Variants in CNTFR observed in about 807,000 individuals in gnomAD.
CNTFR encodes the protein ciliary neurotrophic factor receptor subunit alpha.
In CNTFR, 12 loss-of-function variants were observed where a neutral mutation model predicts 40.4. The observed-to-expected ratio is 0.30, with a 90% CI of 0.19 to 0.48. The LOEUF (loss-of-function observed/expected upper bound fraction) is 0.48, where lower values mean the gene tolerates loss of function less well. Among genes scored for constraint, CNTFR ranks in the 20% least tolerant of loss-of-function variants. CNTFR has a pLI of 0.99. For missense variants in CNTFR, 414 were observed against 506.8 expected, an observed-to-expected ratio of 0.82 and a Z score of 1.76; for synonymous variants, 202 against 209.6, an observed-to-expected ratio of 0.96 and a Z score of 0.31.
chr9:34,553,347 T>C (rs1825711755), intron 7 of CNTFR, among the ~76,000 whole-genome samples: 1 of 152,082 alleles, frequency 6.6e-6, no homozygotes. Flanking sequence ...GCCCCATCCC[T>C]TAGTAGTGAG....
rs376305250 is a variant in CNTFR, at chr9:34,552,627, G to T, written c.949+47C>A. ...AACCAGGCCACAGGTTCTACCACAG[G>T]CCTCCAGGACAGCAAAGCCAGGAGG... is the stretch of plus-strand genomic sequence containing the variant. On this transcript the variant is annotated intron_variant, in intron 8 of 9. Coordinates refer to ENST00000378980, the MANE Select transcript of CNTFR (RefSeq NM_147164.3). This position sits in a 1 kb window ranked among gnomAD's most constrained non-coding sequence, Gnocchi z 5.1. The T allele has an allele frequency of 4.7e-5, 74 of 1,582,586 alleles. No individual in the cohort carries two copies. The highest frequency in any genetic ancestry group is 6.0e-5 in the Non-Finnish European group (70 of 1,164,864).
chr9:34,586,584 C>T (rs1225753802), intron 1 of CNTFR, among the ~76,000 whole-genome samples: 2 of 152,166 alleles, frequency 1.3e-5, no homozygotes, highest in Admixed American at 6.5e-5. Context: ...TTTCCCCCAC[C>T]TGGCCCTTCT....
In CNTFR at chr9:34,557,694, TG is replaced by T; in HGVS notation, c.438-3del. On this transcript the variant is annotated splice_region_variant and splice_polypyrimidine_tract_variant and intron_variant, in intron 5 of 9. Transcript: ENST00000378980. The surrounding 1 kb of genome is among the most constrained non-coding windows in gnomAD (Gnocchi z 4.2). ...CAGACCATAATTTTGGAGCCATGCCTGGGGAGAGGTGAGACCCAGGCACTGT... is the reference window on the plus strand; with the variant it reads ...CAGACCATAATTTTGGAGCCATGCCTGGGAGAGGTGAGACCCAGGCACTGT... 2 of 1,614,072 alleles carry T rather than the reference TG, an allele frequency of 1.2e-6. No homozygotes were observed. The highest frequency in any genetic ancestry group is 1.6e-4 in the Middle Eastern group (1 of 6,062).
chr9:34,586,795 C>T (rs1165551405), intron 1 of CNTFR, among the ~76,000 whole-genome samples: 1 of 152,170 alleles, frequency 6.6e-6, no homozygotes, highest in Non-Finnish European at 1.5e-5. Context: ...TCCATTAGCC[C>T]ACAGCCCATT....
At chr9:34,561,404 C>T (rs1215789957) in intron 4 of CNTFR, among the ~76,000 whole-genome samples, 4 of 152,158 alleles carry the variant, frequency 2.6e-5, no homozygotes, top group African/African-American at 7.2e-5. Context: ...AAGATCAGAA[C>T]GATACAGAAT....
At position 34,556,301 on chromosome 9, in the gene CNTFR, T is replaced by C. The variant is rs1192332233; in HGVS notation, c.722A>G (p.Lys241Arg). The C allele has an allele frequency of 6.2e-7, 1 of 1,613,660 alleles. No homozygotes were observed. The highest frequency in any genetic ancestry group is 8.5e-7 in the Non-Finnish European group (1 of 1,179,900). Residue 241 changes from lysine (K) to arginine (R), a missense_variant, in exon 7 of 10, where the codon AAG becomes AGG. This residue lies in a region of CNTFR where 83 missense variants were observed against 145.0 expected (regional missense o/e 0.57). Coordinates refer to ENST00000378980, the MANE Select transcript of CNTFR (RefSeq NM_147164.3). ...TWPDPESFPL[K>R]FFLRYRPLIL... is the part of the protein sequence containing the mutation. ...GAGGGGTCGGTAGCGCAGAAAGAAC[T>C]TGAGAGGAAAAGACTCAGGGTCAGG... is the stretch of plus-strand genomic sequence containing the variant.
chr9:34,553,736 T>A (rs1047025181), intron 7 of CNTFR, among the ~76,000 whole-genome samples: 6 of 152,104 alleles, frequency 3.9e-5, no homozygotes, highest in Non-Finnish European at 5.9e-5. Context: ...CCCCCAACCC[T>A]CCAGGCCAGC....
intron 3 of CNTFR, among the ~76,000 whole-genome samples, chr9:34,565,111 G>A (rs936206884): frequency 5.9e-5 from 9 of 152,086 alleles, no homozygotes; most frequent in Non-Finnish European, 1.3e-4. Flanking sequence ...GTTTGCATGT[G>A]ACAGAGAGTT....
intron 4 of CNTFR, 79 bp downstream of exon 4, chr9:34,564,520 G>A (rs1826196075): frequency 7.7e-7 from 1 of 1,294,382 alleles, no homozygotes; most frequent in African/African-American, 1.5e-5. Context: ...CCCCTAACAG[G>A]AAGGGGACTT....
intron 4 of CNTFR, among the ~76,000 whole-genome samples, chr9:34,558,411 T>C (rs1230801049): frequency 1.3e-5 from 2 of 152,098 alleles, no homozygotes; most frequent in Non-Finnish European, 2.9e-5. Flanking sequence ...GAGTATCGGG[T>C]GCACTTCCTA....
At position 34,581,077 on chromosome 9, in the gene CNTFR, G is replaced by C. The variant is rs1160204387; in HGVS notation, c.-1+18C>G. On this transcript the variant is annotated intron_variant, in intron 2 of 9. Coordinates refer to ENST00000378980, the MANE Select transcript of CNTFR (RefSeq NM_147164.3). Reference sequence around the variant, plus strand: ...ATTCCCTGAGATTGATCTGCCCCACGTGGGCCCCAGCACCTACCTCTTCAC... The same window carrying C: ...ATTCCCTGAGATTGATCTGCCCCACCTGGGCCCCAGCACCTACCTCTTCAC... The C allele has an allele frequency of 2.0e-5, 3 of 152,624 alleles. No homozygotes were observed. The highest frequency in any genetic ancestry group is 7.2e-5 in the African/African-American group (3 of 41,396). 9.5% of individuals were successfully genotyped at this position (152,624 alleles called of 1,614,324 possible).
chr9:34,588,348 T>C (rs1827626479), intron 1 of CNTFR, among the ~76,000 whole-genome samples: 1 of 152,122 alleles, frequency 6.6e-6, no homozygotes, highest in Non-Finnish European at 1.5e-5. Flanking sequence ...CACCCAGAGT[T>C]AGATACACAA....
intron 2 of CNTFR, among the ~76,000 whole-genome samples, chr9:34,571,086 T>A (rs1406889871): frequency 1.3e-5 from 2 of 152,112 alleles, no homozygotes; most frequent in African/African-American, 4.8e-5. Flanking sequence ...TTGGCCTGGC[T>A]CCTTCTGACC....
intron 2 of CNTFR, among the ~76,000 whole-genome samples, chr9:34,575,889 G>A (rs1194739468): frequency 6.6e-6 from 1 of 152,126 alleles, no homozygotes; most frequent in East Asian, 1.9e-4. Flanking sequence ...GGAGCCTCCT[G>A]GTCTGCTGGG....
At chr9:34,566,225 C>T (rs1303721272) in intron 3 of CNTFR, among the ~76,000 whole-genome samples, 2 of 152,130 alleles carry the variant, frequency 1.3e-5, no homozygotes, top group Non-Finnish European at 2.9e-5. Context: ...CTGCCTCTGT[C>T]GTCCTCGCTG....
chr9:34,555,902 C>G (rs1195840758), intron 7 of CNTFR, among the ~76,000 whole-genome samples: 1 of 143,154 alleles, frequency 7.0e-6, no homozygotes, highest in Non-Finnish European at 1.5e-5. Flanking sequence ...CTCCCTCCCC[C>G]GCCATCTCCC....
intron 2 of CNTFR, among the ~76,000 whole-genome samples, chr9:34,575,318 G>T (rs974764368): frequency 6.6e-6 from 1 of 152,156 alleles, no homozygotes; most frequent in Non-Finnish European, 1.5e-5. Context: ...GGGGAGCGGG[G>T]TACTGCTCCT....
intron 7 of CNTFR, among the ~76,000 whole-genome samples, chr9:34,553,434 T>G (rs1825714853): frequency 1.3e-5 from 2 of 152,154 alleles, no homozygotes; most frequent in African/African-American, 4.8e-5. Flanking sequence ...ATCCACCTCT[T>G]AGGGTTACAA....
At chr9:34,564,978 A>C in intron 3 of CNTFR, 146 bp from the exon 4 acceptor site, 1 of 679,784 alleles carries the variant, frequency 1.5e-6, no homozygotes, top group African/African-American at 1.8e-5. Flanking sequence ...GGGGAGATGA[A>C]GAGTGTTCAA....
Sources: gnomAD v4.1 joint callset for allele counts (sites outside exome capture counted in the v4.1 genomes callset) on GRCh38, gnomAD v4.1.1 for gene constraint, gnomAD v4.1.1 regional missense constraint, Gnocchi (gnomAD v3.1) non-coding constraint, MANE v1.5 for transcripts, NCBI Gene and HGNC (gene_info 2026-07-23, HGNC 2026-07-21) for gene names.